The following PCDHGA1 variants were observed in gnomAD, a reference collection of about 807,000 sequenced individuals.
PCDHGA1 encodes protocadherin gamma subfamily A, 1.
In PCDHGA1, 32 loss-of-function variants were observed where a neutral mutation model predicts 58.0. The observed-to-expected ratio is 0.55, with a 90% confidence interval of 0.42 to 0.74. PCDHGA1 has a LOEUF of 0.74. Among genes scored for constraint, PCDHGA1 ranks in the 30% least tolerant of loss-of-function variants. PCDHGA1 has a pLI of 0.00. For missense variants in PCDHGA1, 1,205 were observed against 1,182.3 expected (o/e 1.02, Z -0.28); for synonymous variants, 498 against 501.1 (o/e 0.99, Z 0.08).
intron 1 of PCDHGA1, chr5:141,392,800 G>T (rs1394780689): frequency 6.4e-7 from 1 of 1,570,722 alleles, no homozygotes; most frequent in African/African-American, 1.4e-5. Context: ...AGAGGATTCT[G>T]CAGCAAAACA....
intron 1 of PCDHGA1, among the ~76,000 whole-genome samples, chr5:141,336,501 A>T (rs967486207): frequency 6.6e-6 from 1 of 152,260 alleles, no homozygotes; most frequent in South Asian, 2.1e-4. Context: ...AATGGATGAA[A>T]GTAAAAATGA....
chr5:141,445,134 A>G lies in PCDHGA1; in HGVS notation c.2422-49673A>G, dbSNP rs900226020. ...TTGTAAATAGTATTTTTAAAATTGT[A>G]TCTTCTAATTGTTCATTTCTAGTTT... On this transcript the variant is annotated intron_variant, in intron 1 of 3. Transcript: ENST00000517417. Among the ~76,000 whole-genome samples, 174 of 152,316 alleles carry G rather than the reference A, an allele frequency of 1.1e-3. 4 individuals carry two copies. The highest frequency in any genetic ancestry group is 5.3e-4 in the Non-Finnish European group (36 of 68,016).
intron 1 of PCDHGA1, chr5:141,355,329 A>T: frequency 6.2e-7 from 1 of 1,614,020 alleles, no homozygotes; most frequent in Non-Finnish European, 8.5e-7. Context: ...AAGAAGGCTC[A>T]GTGGTGGGCA....
At chr5:141,400,250 C>T (rs2093990136) in intron 1 of PCDHGA1, 1 of 1,614,066 alleles carries the variant, frequency 6.2e-7, no homozygotes, top group Non-Finnish European at 8.5e-7. Flanking sequence ...CTGGCCGTTG[C>T]CTTGCGCCTG....
intron 1 of PCDHGA1, chr5:141,388,782 A>G (rs1589071559): frequency 6.2e-7 from 1 of 1,613,902 alleles, no homozygotes; most frequent in African/African-American, 1.3e-5. Flanking sequence ...CGGGGAAATT[A>G]CTGTTTTAAA....
rs1756534142 is a variant in PCDHGA1 at position 141,334,800 on chromosome 5, T to TCAGA, written c.2421+1695_2421+1696insCAGA. On this transcript the variant is annotated intron_variant, in intron 1 of 3. Coordinates refer to ENST00000517417, the MANE Select transcript of PCDHGA1 (RefSeq NM_018912.3). The surrounding 1 kb of genome is among the most constrained non-coding windows in gnomAD (Gnocchi z 4.6). ...ATTAAAGCGTCATTAAGAGACCTAG[T>TCAGA]TATGGCCTGGGACCTGAGGTCAGAT... Among the ~76,000 whole-genome samples, 1 of 152,094 alleles carries TCAGA rather than the reference T, an allele frequency of 6.6e-6. No individual in the cohort carries two copies. Among genetic ancestry groups the TCAGA allele is most frequent in the Non-Finnish European group, 1.5e-5 (1 of 68,016 alleles).
At position 141,392,919 on chromosome 5, in the gene PCDHGA1, C is replaced by T. The variant is rs1220575114; in HGVS notation, c.2421+59814C>T. On this transcript the variant is annotated intron_variant, in intron 1 of 3. Coordinates refer to ENST00000517417, the MANE Select transcript of PCDHGA1 (RefSeq NM_018912.3). The stretch of plus-strand genomic sequence containing the variant: ...GAGGGGACAGATTCGCTACTCTGTG[C>T]CAGAAGAGACGGACAAAGGCTCCTT... 5.0e-6 allele frequency: 8 copies of T among 1,613,762 alleles called. No individual in the cohort carries two copies. The African/African-American group carries it at 1.1e-4, about 22-fold the overall frequency.
At chr5:141,460,733 C>T (rs988651750) in intron 1 of PCDHGA1, among the ~76,000 whole-genome samples, 2 of 150,844 alleles carry the variant, frequency 1.3e-5, no homozygotes, top group Non-Finnish European at 3.0e-5. Context: ...CATATATACA[C>T]ATTGTATATA....
chr5:141,423,943 G>GA, intron 1 of PCDHGA1: 1 of 1,211,382 alleles, frequency 8.3e-7, no homozygotes, highest in Non-Finnish European at 1.0e-6. Flanking sequence ...GAAGTAAGTT[G>GA]AATTTTAGTA....
At chr5:141,415,552 G>A in intron 1 of PCDHGA1, 1 of 1,614,098 alleles carries the variant, frequency 6.2e-7, no homozygotes, top group Admixed American at 1.7e-5. Context: ...TGAGAAAAAC[G>A]ATCCTTTGTC....
At chr5:141,407,980 C>T in intron 1 of PCDHGA1, 1 of 760,358 alleles carries the variant, frequency 1.3e-6, no homozygotes, top group Non-Finnish European at 2.0e-6. Context: ...CGCCGGGGAT[C>T]CGTCAGCCTC....
chr5:141,344,742 G>C, intron 1 of PCDHGA1: 1 of 1,613,990 alleles, frequency 6.2e-7, no homozygotes, highest in Non-Finnish European at 8.5e-7. Context: ...GGATGCAAAT[G>C]ACAACCCACC....
At chr5:141,347,158 T>TCTTTCTTTCTTTCTTC (rs1346897553) in intron 1 of PCDHGA1, among the ~76,000 whole-genome samples, 1 of 140,116 alleles carries the variant, frequency 7.1e-6, no homozygotes, top group Non-Finnish European at 1.6e-5. Flanking sequence ...TTTCTTTCTT[T>TCTTTCTTTCTTTCTTC]CTTTCTTTCT....
intron 1 of PCDHGA1, chr5:141,371,712 C>CTGCA: frequency 1.2e-6 from 2 of 1,614,078 alleles, no homozygotes; most frequent in Non-Finnish European, 1.7e-6. Context: ...GACCATCACT[C>CTGCA]TGCACATCCT....
At chr5:141,339,736 G>A (rs781028162) in intron 1 of PCDHGA1, 48 of 1,613,956 alleles carry the variant, frequency 3.0e-5, no homozygotes, top group Middle Eastern at 3.3e-4. Context: ...CGGAGAATAC[G>A]CTCGTGGGCA....
In PCDHGA1 at chr5:141,359,357, G is replaced by C. The variant is rs952787963; in HGVS notation, c.2421+26252G>C. Reference sequence around the variant, plus strand: ...GAATGAGAGTGCCACATGTTTTAAAGGCCTAGGAAAGCAGTAGATAATTTA... The same window carrying C: ...GAATGAGAGTGCCACATGTTTTAAACGCCTAGGAAAGCAGTAGATAATTTA... On this transcript the variant is annotated intron_variant, in intron 1 of 3. Transcript: ENST00000517417. Among the ~76,000 whole-genome samples, 72 of 151,956 alleles carry C rather than the reference G, an allele frequency of 4.7e-4. 2 individuals carry two copies. The highest frequency in any genetic ancestry group is 5.9e-5 in the Non-Finnish European group (4 of 67,988).
intron 1 of PCDHGA1, among the ~76,000 whole-genome samples, chr5:141,459,664 T>A (rs766213146): frequency 1.3e-5 from 2 of 152,262 alleles, no homozygotes; most frequent in Non-Finnish European, 2.9e-5. Flanking sequence ...TCACTTTACA[T>A]TTTCATGAGC....
chr5:141,407,970 C>T, intron 1 of PCDHGA1: 2 of 716,252 alleles, frequency 2.8e-6, no homozygotes, highest in Non-Finnish European at 4.3e-6. Context: ...CAAGCGCTGA[C>T]GCCGGGGATC....
Position 141,491,889 on chromosome 5 carries a change from C to T in PCDHGA1, c.2422-2918C>T, listed in dbSNP as rs2099734763. On this transcript the variant is annotated intron_variant, in intron 1 of 3. Transcript: ENST00000517417. The surrounding 1 kb of genome is among the most constrained non-coding windows in gnomAD (Gnocchi z 6.9). ...GAGTGGCCGATTAAGGGATGGGGCT[C>T]CGAGCACCGGGGGTGGTGGCGACTG... 11 of 1,441,360 alleles carry T rather than the reference C, an allele frequency of 7.6e-6. No individual in the cohort carries two copies. Among genetic ancestry groups the T allele is most frequent in the Non-Finnish European group, 1.0e-5 (11 of 1,090,600 alleles). 89.3% of individuals were successfully genotyped at this position (1,441,360 alleles called of 1,614,324 possible).
Sources: gnomAD v4.1 joint callset for allele counts (sites outside exome capture counted in the v4.1 genomes callset) on GRCh38, gnomAD v4.1.1 for gene constraint, Gnocchi (gnomAD v3.1) non-coding constraint, MANE v1.5 for transcripts, NCBI Gene and HGNC (gene_info 2026-07-23, HGNC 2026-07-21) for gene names.